The following PRKAG2 variants were observed in gnomAD, a reference collection of about 807,000 sequenced individuals.
PRKAG2 encodes protein kinase AMP-activated non-catalytic subunit gamma 2.
Under a neutral mutation model 69.6 loss-of-function variants are expected in PRKAG2, and 26 were observed. The observed-to-expected ratio is 0.37, with a 90% CI of 0.27 to 0.52. PRKAG2 has a LOEUF of 0.52. PRKAG2 is among the 20% of genes least tolerant of loss of function. PRKAG2 has a pLI of 0.90. For missense variants in PRKAG2, 557 were observed against 740.0 expected (o/e 0.75, Z 2.87); for synonymous variants, 293 against 285.0 (o/e 1.03, Z -0.28).
intron 4 of PRKAG2, among the ~76,000 whole-genome samples, chr7:151,668,694 A>G (rs1182420081): frequency 6.6e-6 from 1 of 152,184 alleles, no homozygotes; most frequent in East Asian, 1.9e-4. Context: ...ATTCTGGGGC[A>G]ATTTACAGCA....
intron 3 of PRKAG2, among the ~76,000 whole-genome samples, chr7:151,775,349 A>T (rs920889435): frequency 6.6e-6 from 1 of 152,134 alleles, no homozygotes; most frequent in African/African-American, 2.4e-5. Flanking sequence ...GTAAATGGAG[A>T]GAGACACAGA....
chr7:151,668,741 T>C (rs1425847124), intron 4 of PRKAG2, among the ~76,000 whole-genome samples: 2 of 152,236 alleles, frequency 1.3e-5, no homozygotes, highest in East Asian at 3.9e-4. Flanking sequence ...AGAGTGGATC[T>C]CATCTGCAAC....
chr7:151,666,083 C>A (rs1033637775), intron 4 of PRKAG2, among the ~76,000 whole-genome samples: 2 of 152,146 alleles, frequency 1.3e-5, no homozygotes, highest in Admixed American at 1.3e-4. Context: ...CCCCTCACAC[C>A]GGATGAAACA....
intron 1 of PRKAG2, among the ~76,000 whole-genome samples, chr7:151,830,905 T>G (rs920804920): frequency 6.6e-6 from 1 of 151,962 alleles, no homozygotes; most frequent in East Asian, 1.9e-4. Context: ...TAAAAATCCT[T>G]TCTTTTAGGT....
At chr7:151,621,024 T>C (rs1485491674) in intron 5 of PRKAG2, among the ~76,000 whole-genome samples, 1 of 152,218 alleles carries the variant, frequency 6.6e-6, no homozygotes, top group Admixed American at 6.5e-5. Context: ...AGCCTAGATT[T>C]CTTAATCAAC....
At chr7:151,769,952 T>C (rs1485196903) in intron 3 of PRKAG2, among the ~76,000 whole-genome samples, 1 of 152,124 alleles carries the variant, frequency 6.6e-6, no homozygotes, top group African/African-American at 2.4e-5. Context: ...CCTAACCAAC[T>C]GAAAGAACCC....
intron 3 of PRKAG2, among the ~76,000 whole-genome samples, chr7:151,766,155 C>A (rs1410978395): frequency 6.6e-6 from 1 of 152,226 alleles, no homozygotes; most frequent in Non-Finnish European, 1.5e-5. Flanking sequence ...GCCAAAATCT[C>A]CCAAAGGACA....
chr7:151,760,777 T>C (rs181555117), intron 3 of PRKAG2, among the ~76,000 whole-genome samples: 1 of 152,232 alleles, frequency 6.6e-6, no homozygotes, highest in African/African-American at 2.4e-5. Flanking sequence ...CTATCTGTGC[T>C]CCCGTGCCCC....
intron 3 of PRKAG2, among the ~76,000 whole-genome samples, chr7:151,754,956 G>A (rs1187373798): frequency 1.3e-5 from 2 of 152,194 alleles, no homozygotes; most frequent in South Asian, 2.1e-4. Flanking sequence ...GGCTCTCTGA[G>A]AGGCAGGCTC....
intron 5 of PRKAG2, among the ~76,000 whole-genome samples, chr7:151,623,339 G>A (rs1821968471): frequency 8.2e-6 from 1 of 121,702 alleles, no homozygotes; most frequent in Non-Finnish European, 1.6e-5. Context: ...ACTCCAGCCT[G>A]GGCAACAGAG....
intron 1 of PRKAG2, among the ~76,000 whole-genome samples, chr7:151,800,357 CAA>C (rs398048179): frequency 1.6e-4 from 17 of 104,152 alleles, no homozygotes; most frequent in Middle Eastern, 5.0e-3. Flanking sequence ...GACTCTGTCT[CAA>C]AAAAAAAAAA....
chr7:151,846,472 T>C (rs1035808338), intron 1 of PRKAG2, among the ~76,000 whole-genome samples: 2 of 151,976 alleles, frequency 1.3e-5, no homozygotes, highest in Non-Finnish European at 2.9e-5. Flanking sequence ...CAAAAAAATT[T>C]AAAAATAAAA....
chr7:151,609,996 C>T (rs1289382386), intron 5 of PRKAG2, among the ~76,000 whole-genome samples: 3 of 152,190 alleles, frequency 2.0e-5, no homozygotes, highest in Admixed American at 6.5e-5. Context: ...GGCTCTACCC[C>T]GGAGGCTGCC....
chr7:151,597,958 G>A (rs1815044402), intron 5 of PRKAG2, among the ~76,000 whole-genome samples: 2 of 152,028 alleles, frequency 1.3e-5, no homozygotes, highest in Admixed American at 1.3e-4. Context: ...CCACTACCGG[G>A]TATATACCCA....
At chr7:151,790,144 G>C (rs1474268842) in intron 1 of PRKAG2, among the ~76,000 whole-genome samples, 2 of 152,046 alleles carry the variant, frequency 1.3e-5, no homozygotes, top group Non-Finnish European at 2.9e-5. Context: ...CCAGCATGAA[G>C]CCCGGCCCAT....
In PRKAG2 at chr7:151,796,006, C is replaced by A. The variant is rs2077517875; in HGVS notation, c.115-9465G>T. ...TATGTATATTAAGGAGATATAATCA[C>A]ATAATATATTAACTTAATATATTTT... is the stretch of plus-strand genomic sequence containing the variant. On this transcript the variant is annotated intron_variant, in intron 1 of 15. Transcript: ENST00000287878. Among the ~76,000 whole-genome samples, 3 of 147,466 alleles carry A rather than the reference C, an allele frequency of 2.0e-5. No individual in the cohort carries two copies. In the South Asian group the frequency reaches 6.5e-4, roughly 32 times the overall value.
At position 151,574,792 on chromosome 7, in the gene PRKAG2, A is replaced by C. The variant is rs1298503713; in HGVS notation, c.1005+99T>G. 8 of 1,548,508 alleles carry C rather than the reference A, an allele frequency of 5.2e-6. No individual in the cohort carries two copies. In the East Asian group the frequency reaches 1.6e-4, roughly 31 times the overall value. On this transcript the variant is annotated intron_variant, in intron 8 of 15. Coordinates refer to ENST00000287878, the MANE Select transcript of PRKAG2 (RefSeq NM_016203.4). ...AGCACACCATACCAAAAAAGAAAAA[A>C]CTGAAAACATTAAAAATCTTAAAAT... is the stretch of plus-strand genomic sequence containing the variant.
chr7:151,559,959 G>T, intron 15 of PRKAG2: 1 of 985,348 alleles, frequency 1.0e-6, no homozygotes, highest in African/African-American at 1.7e-5. Flanking sequence ...GCCCTCTCCC[G>T]TTCTCTCTGC....
intron 1 of PRKAG2, among the ~76,000 whole-genome samples, chr7:151,859,382 C>T (rs2079861505): frequency 6.6e-6 from 1 of 152,170 alleles, no homozygotes. Flanking sequence ...GGGTGGGATG[C>T]GACTGCCAGC....
Sources: allele counts gnomAD v4.1 joint callset (sites outside exome capture counted in the v4.1 genomes callset), GRCh38; gene constraint gnomAD v4.1.1; transcripts MANE v1.5; gene names NCBI Gene and HGNC (gene_info 2026-07-23, HGNC 2026-07-21).